EMID1: variants seen among roughly 807,000 people sequenced by gnomAD.
The protein encoded by EMID1 is EMI domain containing 1.
EMID1 carries 40 observed loss-of-function variants against 60.6 expected under a neutral mutation model. The observed-to-expected ratio is 0.66, with a 90% confidence interval of 0.51 to 0.86. EMID1 has a LOEUF of 0.86. Ranked by LOEUF, EMID1 falls within the 40% of genes least tolerant of loss-of-function variation. The pLI is 0.00. For missense variants in EMID1, 585 were observed against 597.1 expected (o/e 0.98, Z 0.21); for synonymous variants, 242 against 231.0 (o/e 1.05, Z -0.43).
chr22:29,231,351 A>C, intron 6 of EMID1: 1 of 863,346 alleles, frequency 1.2e-6, no homozygotes. Context: ...CAGCCCCAGC[A>C]GACCCTGCCT....
chr22:29,232,818 T>G, intron 8 of EMID1: 1 of 182,058 alleles, frequency 5.5e-6, no homozygotes, highest in Admixed American at 5.6e-5. Context: ...GGCCCTGACG[T>G]GCGTCCTTGG....
In EMID1 at chr22:29,206,163, A is replaced by G. The variant is rs1023428261; in HGVS notation, c.101+24A>G. ...AGGTAAGAGCTCCCGGCGCCTTTGC[A>G]CCCCGCTGGCCGAGGGTCCCGGCGC... On this transcript the variant is annotated intron_variant, in intron 1 of 14. Coordinates refer to ENST00000334018, the MANE Select transcript of EMID1 (RefSeq NM_133455.4). The G allele has an allele frequency of 4.9e-6, 6 of 1,226,646 alleles. No homozygotes were observed. The African/African-American group carries it at 9.4e-5, about 19-fold the overall frequency. The allele number at this position is 1,226,646 out of a possible 1,614,324, so 76.0% of individuals were successfully genotyped here. A position where few individuals can be genotyped will look rare whatever the true frequency, so the allele number is the denominator to read the frequency against.
intron 3 of EMID1, among the ~76,000 whole-genome samples, chr22:29,220,430 G>A (rs182570416): frequency 6.0e-4 from 91 of 152,256 alleles, no homozygotes; most frequent in African/African-American, 1.9e-3. Context: ...CCCCAGCTCC[G>A]ACCCTAACCC....
chr22:29,222,682 G>T (rs1443714225), intron 3 of EMID1, among the ~76,000 whole-genome samples: 1 of 152,164 alleles, frequency 6.6e-6, no homozygotes, highest in East Asian at 1.9e-4. Flanking sequence ...GGGATTACAG[G>T]CGTGAGCCAC....
intron 1 of EMID1, among the ~76,000 whole-genome samples, chr22:29,211,549 ATG>A (rs963498365): frequency 6.7e-6 from 1 of 148,852 alleles, no homozygotes; most frequent in Non-Finnish European, 1.5e-5. Context: ...ATGCATGAAC[ATG>A]TGTGTCCATG....
intron 10 of EMID1, 120 bp downstream of exon 10, chr22:29,233,786 T>G: frequency 1.0e-6 from 1 of 962,142 alleles, no homozygotes; most frequent in Non-Finnish European, 1.6e-6. Flanking sequence ...CCATTCATCC[T>G]TCCATTCATT....
chr22:29,257,924 C>G lies in EMID1; in HGVS notation c.1205-893C>G, dbSNP rs146366517. ...TGGAATGTCCCTTTCAGTGACCACA[C>G]ATGCCTGTCTGCTCCGGGAGCCCTC... is the stretch of plus-strand genomic sequence containing the variant. On this transcript the variant is annotated intron_variant, in intron 14 of 14. Transcript: ENST00000334018. Among the ~76,000 whole-genome samples, 69 of 152,336 alleles carry G rather than the reference C, an allele frequency of 4.5e-4. No individual in the cohort carries two copies. In the South Asian group the frequency reaches 6.8e-3, roughly 15 times the overall value.
rs1569015272 is a variant in EMID1, at chr22:29,259,176, GAGGC to G, written c.*237_*240del. On this transcript the variant is annotated 3_prime_UTR_variant, in exon 15 of 15. Transcript: ENST00000334018. Reference sequence around the variant, plus strand: ...TCAGTTTCCCTCTGTGAAGTGGGGGGAGGCAGGCCTTCAAGGAGGGATAGAGGTA... The same window carrying G: ...TCAGTTTCCCTCTGTGAAGTGGGGGGAGGCCTTCAAGGAGGGATAGAGGTA... 3.2e-6 allele frequency: 2 copies of G among 616,636 alleles called. No homozygotes were observed. The highest frequency in any genetic ancestry group is 5.3e-6 in the Non-Finnish European group (2 of 375,240). The allele number at this position is 616,636 out of a possible 1,614,324, so 38.2% of individuals were successfully genotyped here.
rs571798494 is a variant in EMID1, at chr22:29,226,718, T to A, written c.465+167T>A. Among the ~76,000 whole-genome samples the A allele has an allele frequency of 3.9e-5, 6 of 151,944 alleles. No individual in the cohort carries two copies. In the East Asian group the frequency reaches 9.7e-4, roughly 25 times the overall value. On this transcript the variant is annotated intron_variant, in intron 5 of 14. Transcript: ENST00000334018. ...GGCGAGCAGCATCCCCTGTCAGGCA[T>A]GTCATGGTCTCCTCCAGTGTCCCTC...
Position 29,215,558 on chromosome 22 carries a change from G to T in EMID1, c.247G>T (p.Val83Leu), listed in dbSNP as rs761751973. Residue 83 changes from valine (V) to leucine (L), a missense_variant, in exon 3 of 15, where the codon GTG (valine) becomes TTG (leucine). By Grantham distance (32) the Val-to-Leu change is conservative. Transcript: ENST00000334018. ...AACTGTGGTGAGACCCACATACAAG[G>T]TGATGTACAAGATAGTGACCGCCCG... ...YRTVVRPTYK[V>L]MYKIVTAREW... The T allele has an allele frequency of 2.1e-5, 34 of 1,614,002 alleles. No individual in the cohort carries two copies. The highest frequency in any genetic ancestry group is 2.8e-5 in the Non-Finnish European group (33 of 1,179,982).
At chr22:29,243,529 A>G (rs1464002823) in intron 13 of EMID1, 40 bp downstream of exon 13, 3 of 1,612,588 alleles carry the variant, frequency 1.9e-6, no homozygotes, top group South Asian at 1.1e-5. Flanking sequence ...CTGCCTTCTC[A>G]GCCCTACATG....
In EMID1 at chr22:29,206,074, C is replaced by T; in HGVS notation, c.36C>T (p.Leu12=). 8.1e-7 allele frequency: 1 copy of T among 1,230,406 alleles called. No homozygotes were observed. The highest frequency in any genetic ancestry group is 3.1e-4 in the Middle Eastern group (1 of 3,214). The allele number at this position is 1,230,406 out of a possible 1,614,324, so 76.2% of individuals were successfully genotyped here. ...CGCGGGCTTGGGCGCTGCTCTGCCT[C>T]GGGCTCCTGCTCCCGGGAGGCGGCG... ...GGPRAWALLC[L]GLLLPGGGAA... is the part of the protein sequence containing the mutation. The change falls in exon 1 of 15, where the codon CTC becomes CTT. Residue 12 remains leucine (L), a synonymous_variant. Coordinates refer to ENST00000334018, the MANE Select transcript of EMID1 (RefSeq NM_133455.4).
chr22:29,242,701 A>G (rs2041194424), intron 12 of EMID1, among the ~76,000 whole-genome samples: 1 of 152,194 alleles, frequency 6.6e-6, no homozygotes, highest in South Asian at 2.1e-4. Flanking sequence ...TTGCTCTTTT[A>G]GAGACTTAGT....
intron 3 of EMID1, 97 bp downstream of exon 3, chr22:29,215,727 C>T (rs1010892924): frequency 8.5e-6 from 8 of 944,538 alleles, no homozygotes; most frequent in Non-Finnish European, 1.3e-5. Context: ...GAGTCATGCA[C>T]AGTACCATGC....
At chr22:29,208,446 C>T (rs892011532) in intron 1 of EMID1, among the ~76,000 whole-genome samples, 2 of 152,200 alleles carry the variant, frequency 1.3e-5, no homozygotes, top group African/African-American at 2.4e-5. Flanking sequence ...TGAGGTCCTT[C>T]TAAGCCTGGA....
rs2041071029 is a variant in EMID1, at chr22:29,239,298, AAT to A, written c.1075-4146_1075-4145del. On this transcript the variant is annotated intron_variant, in intron 12 of 14. Coordinates refer to ENST00000334018, the MANE Select transcript of EMID1 (RefSeq NM_133455.4). ...AATATCTTTTTTTTCTTTTAAAAAAAATTTTTTTTTAATGTAGAGGCAGGGTT... is the reference window on the plus strand; with the variant it reads ...AATATCTTTTTTTTCTTTTAAAAAAATTTTTTTTAATGTAGAGGCAGGGTT... 1.7e-5 allele frequency among the ~76,000 whole-genome samples: 2 copies of A among 120,968 alleles called. 1 individual carries two copies. The highest frequency in any genetic ancestry group is 7.0e-4 in the South Asian group (2 of 2,838). The allele number at this position is 120,968 out of a possible 152,430, so 79.4% of individuals were successfully genotyped here.
At chr22:29,250,768 T>A (rs1011389495) in intron 13 of EMID1, among the ~76,000 whole-genome samples, 1 of 117,188 alleles carries the variant, frequency 8.5e-6, no homozygotes, top group Admixed American at 9.3e-5. Context: ...TTTTTTTTTT[T>A]AGTAGTAGTA....
intron 1 of EMID1, among the ~76,000 whole-genome samples, chr22:29,207,934 G>A (rs2039736308): frequency 6.6e-6 from 1 of 152,242 alleles, no homozygotes; most frequent in South Asian, 2.1e-4. Flanking sequence ...GCCTTGGACA[G>A]AATGGAGACA....
intron 13 of EMID1, among the ~76,000 whole-genome samples, chr22:29,252,130 C>T (rs1002889662): frequency 6.6e-6 from 1 of 152,172 alleles, no homozygotes; most frequent in African/African-American, 2.4e-5. Context: ...TTTTTAGATC[C>T]TGCCCCTGTA....
Sources: gnomAD v4.1 joint callset for allele counts (sites outside exome capture counted in the v4.1 genomes callset) on GRCh38, gnomAD v4.1.1 for gene constraint, MANE v1.5 for transcripts, NCBI Gene and HGNC (gene_info 2026-07-23, HGNC 2026-07-21) for gene names.